Variants in SBF2 observed in about 807,000 individuals in gnomAD.
SBF2 encodes the protein myotubularin-related protein 13.
A neutral mutation model predicts 225.2 loss-of-function variants in SBF2; 112 were observed. The ratio of observed to expected loss-of-function variants is 0.50; its 90% CI spans 0.43 to 0.58. The LOEUF is 0.58. Among genes scored for constraint, SBF2 ranks in the 20% least tolerant of loss-of-function variants. The probability of loss-of-function intolerance (pLI) is 0.00; values close to 1 mark genes in which losing one functional copy is unlikely to be tolerated. For missense variants in SBF2, 1,996 were observed against 2,206.2 expected, an observed-to-expected ratio of 0.90 and a Z score of 1.91; for synonymous variants, 763 against 773.3, an observed-to-expected ratio of 0.99 and a Z score of 0.22.
At chr11:10,216,395 A>G (rs1175245952) in intron 1 of SBF2, among the ~76,000 whole-genome samples, 1 of 152,228 alleles carries the variant, frequency 6.6e-6, no homozygotes. Context: ...TCCTTCTTTA[A>G]GATGATAGCG....
At chr11:10,130,485 C>G (rs1211821407) in intron 2 of SBF2, among the ~76,000 whole-genome samples, 1 of 151,962 alleles carries the variant, frequency 6.6e-6, no homozygotes, top group African/African-American at 2.4e-5. Context: ...ACAATGAGGT[C>G]CCCTGTACTC....
intron 15 of SBF2, among the ~76,000 whole-genome samples, chr11:9,962,549 T>C (rs1340148747): frequency 2.0e-5 from 3 of 152,206 alleles, no homozygotes; most frequent in Non-Finnish European, 4.4e-5. Context: ...GCTTAATCAC[T>C]ATTCAGCTTT....
At chr11:10,273,325 T>C in intron 1 of SBF2, among the ~76,000 whole-genome samples, 1 of 152,218 alleles carries the variant, frequency 6.6e-6, no homozygotes, top group South Asian at 2.1e-4. Context: ...TAGATGTTTT[T>C]GAACTCGAAT....
chr11:9,858,465 G>A (rs2134007528), intron 17 of SBF2, 69 bp from the exon 18 acceptor site: 1 of 1,451,682 alleles, frequency 6.9e-7, no homozygotes, highest in Non-Finnish European at 9.7e-7. Flanking sequence ...GGTCACAGGG[G>A]CCACAGTTAA....
chr11:10,107,002 A>G (rs150590913), intron 2 of SBF2, among the ~76,000 whole-genome samples: 4 of 152,328 alleles, frequency 2.6e-5, no homozygotes, highest in East Asian at 1.9e-4. Context: ...AATTAAACCA[A>G]TTGTCCCTTC....
Position 9,968,347 on chromosome 11 carries a change from G to A in SBF2, c.1594C>T (p.Pro532Ser), listed in dbSNP as rs1001858508. ...CAGACAGACAAATACATACCAACAG[G>A]TGGACCTGCTGGCACAACACATTTC... is the stretch of plus-strand genomic sequence containing the variant. ...EKKCVVPAGP[P>S]VVSIMDKVTT... The change falls in exon 14 of 40, where the codon CCT (proline) becomes TCT (serine). Residue 532 changes from proline to serine, a missense_variant. Physicochemically the swap from Pro to Ser is moderately conservative, Grantham distance 74. Coordinates refer to ENST00000256190, the MANE Select transcript of SBF2 (RefSeq NM_030962.4). 2.5e-6 allele frequency: 4 copies of A among 1,613,690 alleles called. No individual in the cohort carries two copies. Among genetic ancestry groups the A allele is most frequent in the Admixed American group, 1.7e-5 (1 of 59,996 alleles).
intron 2 of SBF2, among the ~76,000 whole-genome samples, chr11:10,131,434 T>G (rs141160579): frequency 6.6e-6 from 1 of 151,264 alleles, no homozygotes; most frequent in East Asian, 2.0e-4. Context: ...AGATTGTGAT[T>G]TGAGAGTTCT....
At chr11:10,170,520 G>C (rs936796640) in intron 2 of SBF2, among the ~76,000 whole-genome samples, 3 of 151,974 alleles carry the variant, frequency 2.0e-5, no homozygotes, top group Non-Finnish European at 4.4e-5. Context: ...TGCTATTTTG[G>C]TTACTATAGC....
At chr11:9,861,373 G>GT (rs1189485597) in intron 17 of SBF2, among the ~76,000 whole-genome samples, 2 of 152,070 alleles carry the variant, frequency 1.3e-5, no homozygotes, top group Admixed American at 6.6e-5. Context: ...TTTAAAAAAT[G>GT]TTTTTTGAGG....
Position 10,161,803 on chromosome 11 carries a change from CA to C in SBF2, c.141+32098del, listed in dbSNP as rs199788037. On this transcript the variant is annotated intron_variant, in intron 2 of 39. Coordinates refer to ENST00000256190, the MANE Select transcript of SBF2 (RefSeq NM_030962.4). ...CAACATAGCAAGACCTCCTTCTCTA[CA>C]AAAAAAAAAAATAATAATTAAAAAA... 6.4e-4 allele frequency among the ~76,000 whole-genome samples: 90 copies of C among 139,726 alleles called. 2 individuals carry two copies. Among genetic ancestry groups the C allele is most frequent in the African/African-American group, 7.5e-4 (28 of 37,190 alleles). 91.7% of individuals were successfully genotyped at this position (139,726 alleles called of 152,430 possible). A position where few individuals can be genotyped will look rare whatever the true frequency, so the allele number is the denominator to read the frequency against.
chr11:9,951,743 G>T (rs1865872067), intron 16 of SBF2, among the ~76,000 whole-genome samples: 1 of 152,170 alleles, frequency 6.6e-6, no homozygotes, highest in African/African-American at 2.4e-5. Context: ...CACCCAAGAA[G>T]GAAGAGGACA....
intron 1 of SBF2, among the ~76,000 whole-genome samples, chr11:10,200,049 T>C (rs1957517842): frequency 6.6e-6 from 1 of 152,182 alleles, no homozygotes; most frequent in Non-Finnish European, 1.5e-5. Flanking sequence ...GCAGGAAGAC[T>C]GCTTGAGCTG....
At chr11:10,034,816 T>A (rs981468553) in intron 3 of SBF2, among the ~76,000 whole-genome samples, 1 of 152,182 alleles carries the variant, frequency 6.6e-6, no homozygotes, top group Non-Finnish European at 1.5e-5. Context: ...TTGGAAATAA[T>A]GGAGCCTAAG....
intron 16 of SBF2, among the ~76,000 whole-genome samples, chr11:9,923,360 A>G (rs1199434040): frequency 6.6e-6 from 1 of 152,230 alleles, no homozygotes; most frequent in African/African-American, 2.4e-5. Flanking sequence ...GCTGAGTTCT[A>G]CAATGGAGAG....
intron 2 of SBF2, among the ~76,000 whole-genome samples, chr11:10,056,806 C>A (rs1352767125): frequency 6.6e-6 from 1 of 152,160 alleles, no homozygotes; most frequent in Non-Finnish European, 1.5e-5. Flanking sequence ...GGGCTGGCCA[C>A]CATCTTTGCT....
intron 27 of SBF2, among the ~76,000 whole-genome samples, chr11:9,830,451 A>G (rs925815563): frequency 6.6e-6 from 1 of 152,168 alleles, no homozygotes; most frequent in African/African-American, 2.4e-5. Flanking sequence ...CAAAGATACT[A>G]GTTGTCAGCC....
chr11:9,940,273 C>T (rs112729365), intron 16 of SBF2, among the ~76,000 whole-genome samples: 5,504 of 152,106 alleles, frequency 0.036, 251 homozygotes, highest in African/African-American at 0.11. Context: ...GGCATGGTGG[C>T]GGGCACCTGT....
intron 12 of SBF2, among the ~76,000 whole-genome samples, chr11:9,991,570 T>C (rs951114863): frequency 6.6e-6 from 1 of 152,192 alleles, no homozygotes; most frequent in South Asian, 2.1e-4. Flanking sequence ...GGTTCTAATA[T>C]AGTACTCTTT....
intron 17 of SBF2, among the ~76,000 whole-genome samples, chr11:9,862,624 C>T (rs1857851619): frequency 6.6e-6 from 1 of 151,558 alleles, no homozygotes; most frequent in African/African-American, 2.4e-5. Flanking sequence ...TGTAATGAGA[C>T]TTTAGGGTTT....
Sources: gnomAD v4.1 joint callset for allele counts (sites outside exome capture counted in the v4.1 genomes callset) on GRCh38, gnomAD v4.1.1 for gene constraint, MANE v1.5 for transcripts, NCBI Gene and HGNC (gene_info 2026-07-23, HGNC 2026-07-21) for gene names.